SH3PXD2B: variants seen among roughly 807,000 people sequenced by gnomAD.
SH3PXD2B encodes SH3 and PX domain-containing protein 2B.
Under a neutral mutation model 73.1 loss-of-function variants are expected in SH3PXD2B, and 37 were observed. The observed-to-expected ratio is 0.51, with a 90% CI of 0.39 to 0.67. SH3PXD2B has a LOEUF of 0.67. Ranked by LOEUF, SH3PXD2B falls within the 30% of genes least tolerant of loss-of-function variation. The pLI, the probability that SH3PXD2B is intolerant of heterozygous loss-of-function variation, is 0.00. For synonymous variants in SH3PXD2B, 457 were observed against 480.5 expected (o/e 0.95, Z 0.64); for missense variants, 1,053 against 1,197.8 (o/e 0.88, Z 1.78).
At chr5:172,436,265 G>A (rs932111946) in intron 1 of SH3PXD2B, among the ~76,000 whole-genome samples, 8 of 152,308 alleles carry the variant, frequency 5.3e-5, no homozygotes, top group Middle Eastern at 3.4e-3. Flanking sequence ...GGCCCCGTGG[G>A]TGGGCTTTTG....
chr5:172,328,464 G>A (rs1353840681), intron 12 of SH3PXD2B, among the ~76,000 whole-genome samples: 1 of 152,164 alleles, frequency 6.6e-6, no homozygotes, highest in East Asian at 1.9e-4. Context: ...CTCCCGAAGT[G>A]TTGGGATTAC....
intron 2 of SH3PXD2B, among the ~76,000 whole-genome samples, chr5:172,409,042 T>G (rs1459615432): frequency 6.6e-6 from 1 of 152,158 alleles, no homozygotes; most frequent in Non-Finnish European, 1.5e-5. Flanking sequence ...TATCTGAAAC[T>G]ATATAATACG....
intron 6 of SH3PXD2B, among the ~76,000 whole-genome samples, chr5:172,366,437 A>T (rs1341048234): frequency 6.6e-6 from 1 of 151,878 alleles, no homozygotes; most frequent in Admixed American, 6.6e-5. Context: ...TTGCCTTCTG[A>T]TCTTGTCTTT....
At chr5:172,347,934 T>C (rs536136388) in intron 10 of SH3PXD2B, among the ~76,000 whole-genome samples, 59 of 152,298 alleles carry the variant, frequency 3.9e-4, no homozygotes, top group African/African-American at 1.4e-3. Context: ...TCGAGGCAGC[T>C]GCCCTGGCTC....
chr5:172,385,626 T>C (rs996910010), intron 4 of SH3PXD2B, among the ~76,000 whole-genome samples: 1 of 152,192 alleles, frequency 6.6e-6, no homozygotes, highest in Admixed American at 6.5e-5. Context: ...GAATGGCCCC[T>C]GGAGGTGGTC....
intron 7 of SH3PXD2B, 62 bp downstream of exon 7, chr5:172,362,673 G>A (rs902396263): frequency 4.2e-5 from 67 of 1,612,510 alleles, no homozygotes; most frequent in Non-Finnish European, 5.1e-5. Context: ...GTTTCCAAAT[G>A]TTTCATGTCC....
chr5:172,348,615 A>AATCTATCTATCTATGTATCTATCTATGT (rs147652696), intron 10 of SH3PXD2B, among the ~76,000 whole-genome samples: 1 of 140,698 alleles, frequency 7.1e-6, no homozygotes, highest in African/African-American at 3.0e-5. Context: ...TTAGCATCTG[A>AATCTATCTATCTATGTATCTATCTATGT]ATCTATCTAT....
rs905645428 is a variant in SH3PXD2B at position 172,338,142 on chromosome 5, G to A, written c.*227C>T. ...GATGCTGACATGGACAGAAAGCAAA[G>A]GCTGTGGGTTCTGAGCCTCCAGTGA... On this transcript the variant is annotated 3_prime_UTR_variant, in exon 13 of 13. Transcript: ENST00000311601. This position sits in a 1 kb window ranked among gnomAD's most constrained non-coding sequence, Gnocchi z 5.1. 2 of 1,437,520 alleles carry A rather than the reference G, an allele frequency of 1.4e-6. No homozygotes were observed. The highest frequency in any genetic ancestry group is 2.6e-4 in the Middle Eastern group (1 of 3,878). The allele number at this position is 1,437,520 out of a possible 1,614,324, so 89.0% of individuals were successfully genotyped here.
At chr5:172,397,345 T>A (rs1020296394) in intron 3 of SH3PXD2B, among the ~76,000 whole-genome samples, 2 of 152,232 alleles carry the variant, frequency 1.3e-5, no homozygotes, top group Non-Finnish European at 2.9e-5. Context: ...CGAAACTTCA[T>A]TAGCAATTTA....
chr5:172,354,085 C>T, intron 8 of SH3PXD2B, 80 bp from the exon 9 acceptor site: 2 of 1,353,334 alleles, frequency 1.5e-6, no homozygotes, highest in Non-Finnish European at 2.1e-6. Context: ...ATGCCCTTGC[C>T]CGTCGGAGGG....
At chr5:172,409,900 CA>C (rs1485299923) in intron 2 of SH3PXD2B, among the ~76,000 whole-genome samples, 1 of 152,032 alleles carries the variant, frequency 6.6e-6, no homozygotes, top group Non-Finnish European at 1.5e-5. Context: ...ATTTTTAGTA[CA>C]GACGGGGTTT....
chr5:172,358,930 G>T, intron 7 of SH3PXD2B, 53 bp from the exon 8 acceptor site: 1 of 1,522,016 alleles, frequency 6.6e-7, no homozygotes, highest in East Asian at 2.3e-5. Context: ...ATGAGGCCGG[G>T]GGTCAGAACA....
chr5:172,439,536 C>G (rs1459308974), intron 1 of SH3PXD2B, among the ~76,000 whole-genome samples: 1 of 152,142 alleles, frequency 6.6e-6, no homozygotes, highest in Non-Finnish European at 1.5e-5. Flanking sequence ...TCACTAATAA[C>G]CCATTATGGA....
intron 2 of SH3PXD2B, among the ~76,000 whole-genome samples, chr5:172,412,060 A>G (rs894781430): frequency 1.3e-5 from 2 of 152,144 alleles, no homozygotes; most frequent in Non-Finnish European, 2.9e-5. Context: ...TGGATGACAC[A>G]GTACTTGCCC....
Position 172,368,710 on chromosome 5 carries a change from TTA to T in SH3PXD2B, c.427+5078_427+5079del, listed in dbSNP as rs564514417. ...GTTATATATATAAAATATATATATATTATATATATATAAAATATATATTTAAT... is the reference window on the plus strand; with the variant it reads ...GTTATATATATAAAATATATATATATTATATATATAAAATATATATTTAAT... On this transcript the variant is annotated intron_variant, in intron 6 of 12. Coordinates refer to ENST00000311601, the MANE Select transcript of SH3PXD2B (RefSeq NM_001017995.3). Among the ~76,000 whole-genome samples the T allele has an allele frequency of 9.8e-3, 811 of 83,014 alleles. 29 individuals are homozygous for T. Among genetic ancestry groups the T allele is most frequent in the African/African-American group, 0.014 (254 of 18,700 alleles). 54.5% of individuals were successfully genotyped at this position (83,014 alleles called of 152,430 possible).
chr5:172,369,209 ATTTTT>A (rs963669318), intron 6 of SH3PXD2B, among the ~76,000 whole-genome samples: 75 of 133,474 alleles, frequency 5.6e-4, no homozygotes, highest in African/African-American at 2.0e-3. Flanking sequence ...GTTTTTATGT[ATTTTT>A]TTTGTTTTGT....
In SH3PXD2B at chr5:172,336,919, GAA is replaced by G. The variant is rs1006693135; in HGVS notation, c.*1448_*1449del. On this transcript the variant is annotated 3_prime_UTR_variant, in exon 13 of 13. Coordinates refer to ENST00000311601, the MANE Select transcript of SH3PXD2B (RefSeq NM_001017995.3). Reference sequence around the variant, plus strand: ...ACAGATTTGGCAGTGCGTGAAAAAAGAAAAAAACATTACAAATGCCGGAGAGG... The same window carrying G: ...ACAGATTTGGCAGTGCGTGAAAAAAGAAAAACATTACAAATGCCGGAGAGG... The G allele has an allele frequency of 1.0e-5, 10 of 985,306 alleles. No homozygotes were observed. Among genetic ancestry groups the G allele is most frequent in the African/African-American group, 1.7e-5 (1 of 57,210 alleles). The allele number at this position is 985,306 out of a possible 1,614,324, so 61.0% of individuals were successfully genotyped here.
chr5:172,362,985 A>G, intron 6 of SH3PXD2B, 116 bp from the exon 7 acceptor site: 2 of 1,361,112 alleles, frequency 1.5e-6, no homozygotes, highest in Admixed American at 1.7e-5. Flanking sequence ...CAGTTACAGG[A>G]CTCATCTCAA....
In SH3PXD2B at chr5:172,327,344, A is replaced by C. The variant is rs1213021728; in HGVS notation, c.1189-1964T>G. 3.9e-5 allele frequency among the ~76,000 whole-genome samples: 6 copies of C among 152,290 alleles called. No individual in the cohort carries two copies. The South Asian group carries it at 1.2e-3, about 32-fold the overall frequency. On this transcript the variant is annotated intron_variant, in intron 12 of 12. Transcript: ENST00000519643. ...ACATCGTTTTCGAAAGGTAAAATGC[A>C]TGTCAGAGCCAGAACTCAAACCCAG... is the stretch of plus-strand genomic sequence containing the variant.
Sources: gnomAD v4.1 joint callset for allele counts (sites outside exome capture counted in the v4.1 genomes callset) on GRCh38, gnomAD v4.1.1 for gene constraint, Gnocchi (gnomAD v3.1) non-coding constraint, MANE v1.5 for transcripts, NCBI Gene and HGNC (gene_info 2026-07-23, HGNC 2026-07-21) for gene names.